Variants in KRT85 observed in about 807,000 individuals in gnomAD.
KRT85 encodes the protein keratin 85.
KRT85 carries 39 observed loss-of-function variants against 53.7 expected under a neutral mutation model. The observed-to-expected ratio is 0.73, with a 90% CI of 0.56 to 0.95. The LOEUF is 0.95. Ranked by LOEUF, KRT85 falls within the 40% of genes least tolerant of loss-of-function variation. The probability of loss-of-function intolerance (pLI) is 0.00; values close to 1 mark genes in which losing one functional copy is unlikely to be tolerated. For synonymous variants in KRT85, 291 were observed against 277.5 expected (o/e 1.05, Z -0.48); for missense variants, 668 against 686.0 (o/e 0.97, Z 0.29).
rs1224532749 is a variant in KRT85, at chr12:52,365,315, C to A, written c.421-145G>T. The A allele has an allele frequency of 3.1e-5, 27 of 878,360 alleles. 1 individual carries two copies. In the South Asian group the frequency reaches 3.9e-4, roughly 13 times the overall value. The allele number at this position is 878,360 out of a possible 1,614,324, so 54.4% of individuals were successfully genotyped here. A position where few individuals can be genotyped will look rare whatever the true frequency, so the allele number is the denominator to read the frequency against. On this transcript the variant is annotated intron_variant, in intron 1 of 8. Coordinates refer to ENST00000257901, the MANE Select transcript of KRT85 (RefSeq NM_002283.4). ...CGGCTCAAGGGGCCCATTCCCAGGC[C>A]CCCAGGGAGGCAGTTGTGGGTGTGA...
chr12:52,362,890 C>G lies in KRT85; in HGVS notation c.1041G>C (p.Gln347His), dbSNP rs867282070. Residue 347 changes from glutamine to histidine, a missense_variant, in exon 6 of 9, where the codon CAG (glutamine) becomes CAC (histidine). Transcript: ENST00000257901. ...EEINELNRMI[Q>H]RLTAEIENAK... The stretch of plus-strand genomic sequence containing the variant: ...CATTCTCAATCTCGGCCGTCAGCCT[C>G]TGGATCATGCGGTTCAGCTCGTTGA... 3.7e-6 allele frequency: 6 copies of G among 1,614,058 alleles called. No individual in the cohort carries two copies. Among genetic ancestry groups the G allele is most frequent in the Non-Finnish European group, 4.2e-6 (5 of 1,180,044 alleles).
intron 8 of KRT85, 33 bp from the exon 9 acceptor site, chr12:52,361,079 G>A: frequency 6.4e-7 from 1 of 1,554,146 alleles, no homozygotes; most frequent in Non-Finnish European, 8.8e-7. Context: ...GGGGTGAGCA[G>A]CTCCCTGCAA....
intron 7 of KRT85, among the ~76,000 whole-genome samples, chr12:52,361,711 TTA>T (rs1269993194): frequency 6.6e-6 from 1 of 152,178 alleles, no homozygotes; most frequent in Non-Finnish European, 1.5e-5. Flanking sequence ...GTGGGTAAGA[TTA>T]TGAACAGTGC....
chr12:52,360,799 G>A lies in KRT85; in HGVS notation c.*54C>T, dbSNP rs114261418. The A allele has an allele frequency of 3.3e-4, 507 of 1,521,352 alleles. 2 individuals are homozygous for A. The African/African-American group carries it at 5.9e-3, about 18-fold the overall frequency. The allele number at this position is 1,521,352 out of a possible 1,614,324, so 94.2% of individuals were successfully genotyped here. ...ATTTTCCATTCACATGCCATTCAGT[G>A]CAGTGATGCAGGCAGGCAGGTGCTT... is the stretch of plus-strand genomic sequence containing the variant. On this transcript the variant is annotated 3_prime_UTR_variant, in exon 9 of 9. Coordinates refer to ENST00000257901, the MANE Select transcript of KRT85 (RefSeq NM_002283.4).
Position 52,360,872 on chromosome 12 carries a change from C to CGGCT in KRT85, c.1501_1504dup (p.Arg502GlnfsTer28), listed in dbSNP as rs1565766842. The CGGCT allele has an allele frequency of 6.2e-7, 1 of 1,612,210 alleles. No individual in the cohort carries two copies. The highest frequency in any genetic ancestry group is 1.3e-5 in the African/African-American group (1 of 74,992). On this transcript the variant is annotated frameshift_variant, in exon 9 of 9. Coordinates refer to ENST00000257901, the MANE Select transcript of KRT85 (RefSeq NM_002283.4). LOFTEE classifies it high-confidence loss of function. ...ACTCTACTAGGCAAAGCGGACCGAC[C>CGGCT]GGCTACTCCCGCAGCTGAAGCTGGA...
Position 52,367,299 on chromosome 12 carries a change from G to A in KRT85, c.107C>T (p.Ala36Val). ...PKTGNRCCIS[A>V]APYRGVSCYR... ...GCAGGACACCCCTCGGTAGGGGGCG[G>A]CGCTGATGCAGCAGCGGTTGCCAGT... The change falls in exon 1 of 9, where the codon GCC (alanine) becomes GTC (valine). Residue 36 changes from alanine (A) to valine (V), a missense_variant. Ala to Val is a moderately conservative substitution (Grantham distance 64). Around this residue, in one of 3 missense-constraint regions of KRT85, gnomAD observed 158 missense variants for 141.8 expected, o/e 1.11. Transcript: ENST00000257901. 2 of 1,613,672 alleles carry A rather than the reference G, an allele frequency of 1.2e-6. No homozygotes were observed. Among genetic ancestry groups the A allele is most frequent in the Non-Finnish European group, 1.7e-6 (2 of 1,179,714 alleles).
chr12:52,362,805 G>A, intron 6 of KRT85, 49 bp downstream of exon 6: 1 of 1,613,964 alleles, frequency 6.2e-7, no homozygotes, highest in East Asian at 2.2e-5. Flanking sequence ...TTAGGGCCAG[G>A]TGCTGCAGCC....
chr12:52,365,259 G>A (rs1270296669), intron 1 of KRT85, 89 bp from the exon 2 acceptor site: 38 of 1,374,802 alleles, frequency 2.8e-5, no homozygotes, highest in South Asian at 3.6e-5. Context: ...GGTGCTGGCT[G>A]AATGGGCTGA....
rs377299892 is a variant in KRT85, at chr12:52,364,169, C to T, written c.691-6G>A. The T allele has an allele frequency of 2.4e-5, 38 of 1,614,096 alleles. No individual in the cohort carries two copies. Among genetic ancestry groups the T allele is most frequent in the Non-Finnish European group, 2.8e-5 (33 of 1,179,974 alleles). ...AGGTAGGCACAGTCCACGTCCTGGCCGTGGGACAAAGAGGAGGGGACATGC... is the reference window on the plus strand; with the variant it reads ...AGGTAGGCACAGTCCACGTCCTGGCTGTGGGACAAAGAGGAGGGGACATGC... On this transcript the variant is annotated splice_region_variant and splice_polypyrimidine_tract_variant and intron_variant, in intron 3 of 8. Transcript: ENST00000257901.
At chr12:52,365,678 G>T (rs766468234) in intron 1 of KRT85, among the ~76,000 whole-genome samples, 6 of 152,168 alleles carry the variant, frequency 3.9e-5, no homozygotes, top group Non-Finnish European at 7.3e-5. Flanking sequence ...TAATGTCTGT[G>T]TCTATGTCTA....
At position 52,360,891 on chromosome 12, in the gene KRT85, A is replaced by G. The variant is rs970931843; in HGVS notation, c.1486T>C (p.Phe496Leu). ...CAPCQPRSSS[F>L]SCGSSRSVRF... ...ACCGACCGGCTACTCCCGCAGCTGA[A>G]GCTGGAGGAACGAGGCTGGCAGGGG... is the stretch of plus-strand genomic sequence containing the variant. The change falls in exon 9 of 9, where the codon TTC (phenylalanine) becomes CTC (leucine). Residue 496 changes from phenylalanine (F) to leucine (L), a missense_variant. Physicochemically the swap from Phe to Leu is conservative, Grantham distance 22 (BLOSUM62 0). Transcript: ENST00000257901. 2 of 1,612,434 alleles carry G rather than the reference A, an allele frequency of 1.2e-6. No homozygotes were observed. The highest frequency in any genetic ancestry group is 1.7e-6 in the Non-Finnish European group (2 of 1,180,010).
At position 52,360,665 on chromosome 12, in the gene KRT85, G is replaced by A; in HGVS notation, c.*188C>T. 1 of 642,934 alleles carries A rather than the reference G, an allele frequency of 1.6e-6. No homozygotes were observed. The highest frequency in any genetic ancestry group is 2.7e-6 in the Non-Finnish European group (1 of 365,198). 39.8% of individuals were successfully genotyped at this position (642,934 alleles called of 1,614,324 possible). On this transcript the variant is annotated 3_prime_UTR_variant, in exon 9 of 9. Coordinates refer to ENST00000257901, the MANE Select transcript of KRT85 (RefSeq NM_002283.4). ...AAACAGCTGCCAGGAGGACAACTAG[G>A]ATGCATCTCCCTAGCATGAAAAGGC...
chr12:52,361,852 G>A (rs1939195495), intron 7 of KRT85, among the ~76,000 whole-genome samples: 1 of 151,890 alleles, frequency 6.6e-6, no homozygotes, highest in Admixed American at 6.5e-5. Context: ...ATATAGAAGT[G>A]CATCATCATC....
In KRT85 at chr12:52,367,443, G is replaced by A. The variant is rs2121412146; in HGVS notation, c.-38C>T. ...AGCAGAGTCTGAGAGGCAGCGGAAG[G>A]TGGTGCGGGCGGCAGAGTGCGAGGC... is the stretch of plus-strand genomic sequence containing the variant. On this transcript the variant is annotated 5_prime_UTR_variant, in exon 1 of 9. Coordinates refer to ENST00000257901, the MANE Select transcript of KRT85 (RefSeq NM_002283.4). 1 of 1,610,010 alleles carries A rather than the reference G, an allele frequency of 6.2e-7. No individual in the cohort carries two copies. The highest frequency in any genetic ancestry group is 2.2e-5 in the East Asian group (1 of 44,790).
chr12:52,364,575 A>T, intron 2 of KRT85: 1 of 1,456,598 alleles, frequency 6.9e-7, no homozygotes, highest in Non-Finnish European at 9.0e-7. Flanking sequence ...TGCCTCTGAG[A>T]TGGGGTTAGG....
chr12:52,364,466 C>T, intron 2 of KRT85, 100 bp from the exon 3 acceptor site: 2 of 1,603,954 alleles, frequency 1.2e-6, no homozygotes, highest in South Asian at 2.2e-5. Context: ...AGGGATTAAT[C>T]CCCTCCAGAT....
chr12:52,364,543 C>A (rs1408582942), intron 2 of KRT85, 177 bp from the exon 3 acceptor site: 12 of 1,474,218 alleles, frequency 8.1e-6, no homozygotes, highest in South Asian at 1.4e-5. Flanking sequence ...CCTAGCCTGG[C>A]TTCATTCCGC....
chr12:52,362,802 C>T (rs767027659), intron 6 of KRT85, 52 bp downstream of exon 6: 16 of 1,613,978 alleles, frequency 9.9e-6, no homozygotes, highest in East Asian at 2.2e-5. Context: ...TGATTAGGGC[C>T]AGGTGCTGCA....
chr12:52,365,288 T>C lies in KRT85; in HGVS notation c.421-118A>G, dbSNP rs890240625. 3.5e-6 allele frequency: 4 copies of C among 1,141,556 alleles called. No homozygotes were observed. In the East Asian group the frequency reaches 1.0e-4, roughly 29 times the overall value. 70.7% of individuals were successfully genotyped at this position (1,141,556 alleles called of 1,614,324 possible). Reference sequence around the variant, plus strand: ...GGGCTGAGCCATAAAGCTGAGTGTCTGCGGCTCAAGGGGCCCATTCCCAGG... The same window carrying C: ...GGGCTGAGCCATAAAGCTGAGTGTCCGCGGCTCAAGGGGCCCATTCCCAGG... On this transcript the variant is annotated intron_variant, in intron 1 of 8. Transcript: ENST00000257901.
Sources: allele counts gnomAD v4.1 joint callset (sites outside exome capture counted in the v4.1 genomes callset), GRCh38; gene constraint gnomAD v4.1.1; regional missense constraint gnomAD v4.1.1; transcripts MANE v1.5; gene names NCBI Gene and HGNC (gene_info 2026-07-23, HGNC 2026-07-21).